The following PGK1 variants were observed in gnomAD, a reference collection of about 807,000 sequenced individuals.
The protein encoded by PGK1 is phosphoglycerate kinase 1.
PGK1 carries 3 observed loss-of-function variants against 26.9 expected under a neutral mutation model. The observed-to-expected ratio is 0.11, with a 90% confidence interval of 0.05 to 0.29. The LOEUF is 0.29. PGK1 is among the 10% of genes least tolerant of loss of function. The probability of loss-of-function intolerance (pLI) is 1.00; values close to 1 mark genes in which losing one functional copy is unlikely to be tolerated. For missense variants in PGK1, 270 were observed against 314.7 expected (o/e 0.86, Z 1.07); for synonymous variants, 125 against 115.3 (o/e 1.08, Z -0.54).
intron 4 of PGK1, among the ~76,000 whole-genome samples, chrX:78,114,906 T>C (rs1352297817): frequency 1.8e-5 from 2 of 112,360 alleles, no homozygotes; most frequent in Non-Finnish European, 3.8e-5. Flanking sequence ...GCCCATTGAC[T>C]AGAAAGGAAG....
chrX:78,128,088 T>C lies in PGK1; in HGVS notation c.*2258T>C, dbSNP rs1445272966. On this transcript the variant is annotated 3_prime_UTR_variant, in exon 11 of 11. Coordinates refer to ENST00000373316, the MANE Select transcript of PGK1 (RefSeq NM_000291.4). Reference sequence around the variant, plus strand: ...TTGGGTTGTTAACCTAAAGAATGAATGGGGGAATCTCCAGTCATAAACAAC... The same window carrying C: ...TTGGGTTGTTAACCTAAAGAATGAACGGGGGAATCTCCAGTCATAAACAAC... 1 of 112,553 alleles carries C rather than the reference T, an allele frequency of 8.9e-6. No homozygotes were observed. The highest frequency in any genetic ancestry group is 1.9e-5 in the Non-Finnish European group (1 of 53,317). The allele number at this position is 112,553 out of a possible 1,213,427, so 9.3% of individuals were successfully genotyped here. A position where few individuals can be genotyped will look rare whatever the true frequency, so the allele number is the denominator to read the frequency against.
At position 78,118,184 on chromosome X, in the gene PGK1, T is replaced by C; in HGVS notation, c.641+14T>C. On this transcript the variant is annotated intron_variant, in intron 6 of 10. Transcript: ENST00000373316. ...CATCCTGGGCGGGTATGAAGAACTC[T>C]TTAAGATCATGCTTTAAGTATTGTT... is the stretch of plus-strand genomic sequence containing the variant. 1 of 1,209,302 alleles carries C rather than the reference T, an allele frequency of 8.3e-7. No homozygotes were observed. The highest frequency in any genetic ancestry group is 1.1e-6 in the Non-Finnish European group (1 of 893,335).
At chrX:78,122,660 C>T (rs1391604662) in intron 6 of PGK1, among the ~76,000 whole-genome samples, 175 bp from the exon 7 acceptor site, 1 of 111,395 alleles carries the variant, frequency 9.0e-6, no homozygotes, top group Non-Finnish European at 1.9e-5. Flanking sequence ...AAAAGGATTT[C>T]TTAGAAATGG....
Position 78,104,272 on chromosome X carries a change from A to G in PGK1, c.-69A>G, listed in dbSNP as rs782599913. The G allele has an allele frequency of 4.9e-6, 4 of 809,531 alleles. No homozygotes were observed. Among genetic ancestry groups the G allele is most frequent in the East Asian group, 3.2e-5 (1 of 31,741 alleles). 66.7% of individuals were successfully genotyped at this position (809,531 alleles called of 1,213,427 possible). On this transcript the variant is annotated 5_prime_UTR_variant, in exon 1 of 11. Transcript: ENST00000373316. Reference sequence around the variant, plus strand: ...TGTTCCGCATTCTGCAAGCCTCCGGAGCGCACGTCGGCAGTCGGCTCCCTC... The same window carrying G: ...TGTTCCGCATTCTGCAAGCCTCCGGGGCGCACGTCGGCAGTCGGCTCCCTC...
rs2078257534 is a variant in PGK1, at chrX:78,104,353, A to C, written c.13A>C (p.Asn5His). 4 of 1,204,962 alleles carry C rather than the reference A, an allele frequency of 3.3e-6. No individual in the cohort carries two copies. Among genetic ancestry groups the C allele is most frequent in the Non-Finnish European group, 2.2e-6 (2 of 890,032 alleles). The change falls in exon 1 of 11, where the codon AAC (asparagine) becomes CAC (histidine). Residue 5 changes from asparagine (N) to histidine (H), a missense_variant. By Grantham distance (68) the Asn-to-His change is moderately conservative (BLOSUM62 1). Transcript: ENST00000373316. MSLS[N>H]KLTLDKLDVK... ...CTGTATTTCCAAAATGTCGCTTTCTAACAAGCTGACGCTGGACAAGCTGGA... is the reference window on the plus strand; with the variant it reads ...CTGTATTTCCAAAATGTCGCTTTCTCACAAGCTGACGCTGGACAAGCTGGA...
At chrX:78,111,632 A>G (rs1374357696) in intron 2 of PGK1, among the ~76,000 whole-genome samples, 50 of 112,083 alleles carry the variant, frequency 4.5e-4, no homozygotes, top group African/African-American at 1.5e-3. Context: ...TGGACAGTGC[A>G]GGTCTAGCCC....
rs1557247168 is a variant in PGK1 at position 78,113,967 on chromosome X, T to G, written c.273-49T>G. ...AAGTTGTCAAGCACGTTGTTACTGG[T>G]TTTTAACTTTCATACTGCTCAAGTG... On this transcript the variant is annotated intron_variant, in intron 3 of 10. Transcript: ENST00000373316. 2.5e-6 allele frequency: 3 copies of G among 1,206,083 alleles called. No homozygotes were observed. The Admixed American group carries it at 6.5e-5, about 26-fold the overall frequency.
At chrX:78,115,454 G>A (rs1390585186) in intron 4 of PGK1, among the ~76,000 whole-genome samples, 1 of 110,890 alleles carries the variant, frequency 9.0e-6, no homozygotes, top group African/African-American at 3.3e-5. Context: ...TCAGGAGTTC[G>A]AGACCTGCCT....
chrX:78,111,824 CAT>C (rs2078302872), intron 2 of PGK1, among the ~76,000 whole-genome samples: 1 of 111,732 alleles, frequency 8.9e-6, no homozygotes, highest in East Asian at 2.8e-4. Context: ...AGTAAAGAAA[CAT>C]GTTTGGAAAT....
chrX:78,118,857 TCTC>T (rs1398428141), intron 6 of PGK1, among the ~76,000 whole-genome samples: 1 of 110,927 alleles, frequency 9.0e-6, no homozygotes, highest in Non-Finnish European at 1.9e-5. Flanking sequence ...AATATTCTGA[TCTC>T]CTTTCAGTCT....
intron 6 of PGK1, among the ~76,000 whole-genome samples, chrX:78,120,617 CCCTAGTA>C (rs1303215679): frequency 1.8e-5 from 2 of 110,003 alleles, no homozygotes; most frequent in Admixed American, 1.9e-4. Context: ...ACCTCAGCCT[CCCTAGTA>C]CCTGGGACTA....
intron 5 of PGK1, 22 bp from the exon 6 acceptor site, chrX:78,118,029 G>A: frequency 8.3e-7 from 1 of 1,198,239 alleles, no homozygotes; most frequent in Non-Finnish European, 1.1e-6. Flanking sequence ...ACTAGAATCT[G>A]AATGTCTTTG....
chrX:78,118,773 G>C (rs2078338977), intron 6 of PGK1, among the ~76,000 whole-genome samples: 1 of 110,562 alleles, frequency 9.0e-6, no homozygotes, highest in Non-Finnish European at 1.9e-5. Context: ...GGTGTGGAGA[G>C]AGCTATCTGA....
At chrX:78,116,381 A>G (rs1022057520) in intron 4 of PGK1, among the ~76,000 whole-genome samples, 1 of 112,204 alleles carries the variant, frequency 8.9e-6, no homozygotes, top group Non-Finnish European at 1.9e-5. Flanking sequence ...GAGTGCCACA[A>G]TCTTCAATTT....
chrX:78,112,244 GTCTC>G (rs1307230297), intron 2 of PGK1, among the ~76,000 whole-genome samples: 1 of 111,325 alleles, frequency 9.0e-6, no homozygotes, highest in Non-Finnish European at 1.9e-5. Context: ...CATGTTTATT[GTCTC>G]TCTCCATTAG....
In PGK1 at chrX:78,121,627, C is replaced by T. The variant is rs906914436; in HGVS notation, c.642-1208C>T. ...AGGAAACAGACACAAGGTGGTTTGT[C>T]CACGTAAGTGGGATTTAGTTATATG... is the stretch of plus-strand genomic sequence containing the variant. On this transcript the variant is annotated intron_variant, in intron 6 of 10. Coordinates refer to ENST00000373316, the MANE Select transcript of PGK1 (RefSeq NM_000291.4). Among the ~76,000 whole-genome samples the T allele has an allele frequency of 3.6e-5, 4 of 112,533 alleles. 1 individual carries two copies. Among genetic ancestry groups the T allele is most frequent in the Non-Finnish European group, 7.5e-5 (4 of 53,309 alleles).
intron 4 of PGK1, among the ~76,000 whole-genome samples, chrX:78,114,594 A>G (rs1299093858): frequency 2.8e-5 from 3 of 107,764 alleles, no homozygotes; most frequent in Non-Finnish European, 5.7e-5. Flanking sequence ...AAAAAAAAAA[A>G]CTTAAGTTTC....
intron 8 of PGK1, 132 bp from the exon 9 acceptor site, chrX:78,124,742 A>T (rs2078373701): frequency 1.8e-6 from 1 of 554,050 alleles, no homozygotes; most frequent in Non-Finnish European, 3.2e-6. Context: ...GAACAGGTTT[A>T]TAAAGACTGA....
chrX:78,108,613 G>T (rs1196514447), intron 1 of PGK1, among the ~76,000 whole-genome samples: 2 of 112,025 alleles, frequency 1.8e-5, no homozygotes, highest in African/African-American at 6.5e-5. Context: ...GGTCTTCTCA[G>T]TATGTCTGTA....
Sources: allele counts gnomAD v4.1 joint callset (sites outside exome capture counted in the v4.1 genomes callset), GRCh38; gene constraint gnomAD v4.1.1; transcripts MANE v1.5; gene names NCBI Gene and HGNC (gene_info 2026-07-23, HGNC 2026-07-21).